The following RASAL1 variants were observed in gnomAD, a reference collection of about 807,000 sequenced individuals.
RASAL1 encodes rasGAP-activating-like protein 1.
In RASAL1, 72 loss-of-function variants were observed where a neutral mutation model predicts 96.6. The ratio of observed to expected loss-of-function variants is 0.75; its 90% CI spans 0.62 to 0.91. The LOEUF (loss-of-function observed/expected upper bound fraction) is 0.91, where lower values mean the gene tolerates loss of function less well. RASAL1 is among the 40% of genes least tolerant of loss of function. The pLI is 0.00. For synonymous variants in RASAL1, 405 were observed against 430.4 expected (o/e 0.94, Z 0.73); for missense variants, 1,016 against 1,072.5 (o/e 0.95, Z 0.74).
chr12:113,120,819 C>T (rs1255435601), intron 5 of RASAL1, among the ~76,000 whole-genome samples: 2 of 152,206 alleles, frequency 1.3e-5, no homozygotes, highest in Non-Finnish European at 1.5e-5. Context: ...CACCACCCCC[C>T]TCTCACATGA....
intron 12 of RASAL1, 69 bp from the exon 13 acceptor site, chr12:113,112,347 C>T: frequency 8.4e-7 from 1 of 1,186,714 alleles, no homozygotes; most frequent in Non-Finnish European, 1.1e-6. Context: ...CTCCACCGGC[C>T]CCGCTGAGCT....
rs766030625 is a variant in RASAL1, at chr12:113,119,209, C to T, written c.561G>A (p.Arg187=). The change falls in exon 7 of 21, where the codon CGG becomes CGA. Residue 187 remains arginine (R), a synonymous_variant. Coordinates refer to ENST00000548055, the MANE Select transcript of RASAL1 (RefSeq NM_001301202.2). ...GTGGGGACGGGGCACCTGGCATCTC[C>T]CGCAGCTCCAGCACTTCATCCCAGT... ...FPHWDEVLEL[R]EMPGAPSPLR... 1.2e-6 allele frequency: 2 copies of T among 1,614,092 alleles called. No individual in the cohort carries two copies. The highest frequency in any genetic ancestry group is 8.5e-7 in the Non-Finnish European group (1 of 1,179,948).
chr12:113,104,201 T>G lies in RASAL1; in HGVS notation c.1928A>C (p.Asp643Ala). Reference sequence around the variant, plus strand: ...GGTGGTGTGCAGCGCCCCCGTGCCGTCCTGCGTCACCACCTGCATCACGTG... The same window carrying G: ...GGTGGTGTGCAGCGCCCCCGTGCCGGCCTGCGTCACCACCTGCATCACGTG... ...LPHVMQVVTQ[D>A]GTGALHTTYL... The change falls in exon 17 of 21, where the codon GAC becomes GCC. Residue 643 changes from aspartate (D) to alanine (A), a missense_variant. By Grantham distance (126) the Asp-to-Ala change is moderately radical (BLOSUM62 -2). Transcript: ENST00000548055. The G allele has an allele frequency of 6.2e-7, 1 of 1,611,920 alleles. No individual in the cohort carries two copies.
Position 113,112,365 on chromosome 12 carries a change from G to A in RASAL1, c.1182-87C>T, listed in dbSNP as rs914649842. The A allele has an allele frequency of 3.7e-6, 4 of 1,085,102 alleles. No individual in the cohort carries two copies. In the South Asian group the frequency reaches 1.9e-4, roughly 51 times the overall value. The allele number at this position is 1,085,102 out of a possible 1,614,324, so 67.2% of individuals were successfully genotyped here. ...CACCGGCCCCGCTGAGCTCCGAGAG[G>A]ACTCATCTTCCCTCCACGTCCGCAG... On this transcript the variant is annotated intron_variant, in intron 12 of 20. Coordinates refer to ENST00000548055, the MANE Select transcript of RASAL1 (RefSeq NM_001301202.2).
chr12:113,114,513 C>T (rs964455051), intron 12 of RASAL1, among the ~76,000 whole-genome samples: 1 of 151,656 alleles, frequency 6.6e-6, no homozygotes, highest in Non-Finnish European at 1.5e-5. Flanking sequence ...AGAAAAGAAG[C>T]AACTTAACCA....
intron 12 of RASAL1, among the ~76,000 whole-genome samples, chr12:113,112,954 A>AAAATAAAT (rs3038168): frequency 0.75 from 112,557 of 149,428 alleles, 42,546 homozygotes; most frequent in Admixed American, 0.82. Flanking sequence ...TCCATCTCAA[A>AAAATAAAT]AAATAAATAA....
rs1357783723 is a variant in RASAL1 at position 113,101,991 on chromosome 12, G to A, written c.2123C>T (p.Thr708Ile). The change falls in exon 19 of 21, where the codon ACA (threonine) becomes ATA (isoleucine). Residue 708 changes from threonine to isoleucine, a missense_variant. Transcript: ENST00000548055. ...AERSAAGCSR[T>I]HSAVTLGDWS... ...GTCCCCCAGGGTGACAGCTGAGTGT[G>A]TACGGCTGCAGCCGGCGGCTGAGGG... 34 of 1,613,936 alleles carry A rather than the reference G, an allele frequency of 2.1e-5. No individual in the cohort carries two copies. The highest frequency in any genetic ancestry group is 2.8e-5 in the Non-Finnish European group (33 of 1,179,926).
chr12:113,107,954 G>T (rs2136129076), intron 14 of RASAL1, 131 bp downstream of exon 14: 2 of 1,027,724 alleles, frequency 1.9e-6, no homozygotes, highest in Non-Finnish European at 2.8e-6. Context: ...AATGCTAACG[G>T]TGGTGTTTCA....
intron 1 of RASAL1, among the ~76,000 whole-genome samples, chr12:113,133,368 A>T (rs1275440514): frequency 6.6e-6 from 1 of 152,168 alleles, no homozygotes; most frequent in African/African-American, 2.4e-5. Context: ...TGGAGTAGTC[A>T]GAGTTCAAAT....
At position 113,119,083 on chromosome 12, in the gene RASAL1, A is replaced by G. The variant is rs983300078; in HGVS notation, c.642+45T>C. On this transcript the variant is annotated intron_variant, in intron 7 of 20. Coordinates refer to ENST00000548055, the MANE Select transcript of RASAL1 (RefSeq NM_001301202.2). ...CCGTCTCATCTTTCTTCCCCCTTGG[A>G]GGCACTGGGGAGCCATGGAGGGTAT... 1.2e-5 allele frequency: 18 copies of G among 1,538,866 alleles called. No homozygotes were observed. In the African/African-American group the frequency reaches 2.5e-4, roughly 21 times the overall value.
intron 1 of RASAL1, among the ~76,000 whole-genome samples, chr12:113,131,692 A>G (rs1220261355): frequency 6.6e-6 from 1 of 152,196 alleles, no homozygotes; most frequent in Non-Finnish European, 1.5e-5. Flanking sequence ...AGTCACCAGC[A>G]AATCCCAAGC....
intron 19 of RASAL1, 23 bp downstream of exon 19, chr12:113,101,866 G>A: frequency 6.2e-7 from 1 of 1,609,492 alleles, no homozygotes; most frequent in Non-Finnish European, 8.5e-7. Context: ...AGGAGGTGAA[G>A]TGGGATGGGT....
chr12:113,121,661 T>C (rs767990189), intron 4 of RASAL1, 23 bp from the exon 5 acceptor site: 1 of 1,613,538 alleles, frequency 6.2e-7, no homozygotes, highest in Non-Finnish European at 8.5e-7. Flanking sequence ...GGCACTAACA[T>C]TTATGAAGCG....
At position 113,107,343 on chromosome 12, in the gene RASAL1, C is replaced by G. The variant is rs537054035; in HGVS notation, c.1513-102G>C. 7 of 1,352,050 alleles carry G rather than the reference C, an allele frequency of 5.2e-6. No individual in the cohort carries two copies. In the Admixed American group the frequency reaches 7.9e-5, roughly 15 times the overall value. The allele number at this position is 1,352,050 out of a possible 1,614,324, so 83.8% of individuals were successfully genotyped here. On this transcript the variant is annotated intron_variant, in intron 14 of 20. Coordinates refer to ENST00000548055, the MANE Select transcript of RASAL1 (RefSeq NM_001301202.2). ...GCTCAATAAAAGAAGACTCATATTG[C>G]CGGGCACAGTGGCTCATGCCTGTAA...
chr12:113,114,708 G>T, intron 12 of RASAL1, 92 bp downstream of exon 12: 1 of 1,026,040 alleles, frequency 9.7e-7, no homozygotes, highest in East Asian at 2.4e-5. Flanking sequence ...GCCCCAGGGT[G>T]GGTGGCAGTC....
In RASAL1 at chr12:113,104,180, G is replaced by C; in HGVS notation, c.1949C>G (p.Thr650Ser). The change falls in exon 17 of 21, where the codon ACC becomes AGC. Residue 650 changes from threonine (T) to serine (S), a missense_variant. By Grantham distance (58) the Thr-to-Ser change is moderately conservative (BLOSUM62 1). Transcript: ENST00000548055. ...VTQDGTGALH[T>S]TYLQCKNVNE... ...TCTCACCTTGCACTGGAGGTAGGTG[G>C]TGTGCAGCGCCCCCGTGCCGTCCTG... is the stretch of plus-strand genomic sequence containing the variant. 1 of 1,611,420 alleles carries C rather than the reference G, an allele frequency of 6.2e-7. No individual in the cohort carries two copies. Among genetic ancestry groups the C allele is most frequent in the Admixed American group, 1.7e-5 (1 of 59,878 alleles).
chr12:113,112,541 C>G (rs751281), intron 12 of RASAL1, among the ~76,000 whole-genome samples: 16,842 of 152,196 alleles, frequency 0.11, 1,112 homozygotes, highest in Middle Eastern at 0.19. Flanking sequence ...CTTCCTCACC[C>G]CCTGCAAGTC....
At chr12:113,112,536 T>TAC (rs1298054380) in intron 12 of RASAL1, among the ~76,000 whole-genome samples, 2 of 152,140 alleles carry the variant, frequency 1.3e-5, no homozygotes, top group Non-Finnish European at 2.9e-5. Flanking sequence ...ACTCCCTTCC[T>TAC]CACCCCCTGC....
At chr12:113,127,698 G>T in intron 4 of RASAL1, 114 bp downstream of exon 4, 1 of 862,950 alleles carries the variant, frequency 1.2e-6, no homozygotes, top group South Asian at 1.8e-5. Context: ...AAAGCAACAA[G>T]AGAAATAAGT....
Sources: gnomAD v4.1 joint callset for allele counts (sites outside exome capture counted in the v4.1 genomes callset) on GRCh38, gnomAD v4.1.1 for gene constraint, MANE v1.5 for transcripts, NCBI Gene and HGNC (gene_info 2026-07-23, HGNC 2026-07-21) for gene names.